Variants in SACM1L observed in about 807,000 individuals in gnomAD.
The protein encoded by SACM1L is phosphatidylinositol-3-phosphatase SAC1.
A neutral mutation model predicts 89.5 loss-of-function variants in SACM1L; 32 were observed. That is an observed-to-expected ratio of 0.36 (90% CI 0.27 to 0.48). SACM1L has a LOEUF of 0.48. Among genes scored for constraint, SACM1L ranks in the 20% least tolerant of loss-of-function variants. SACM1L has a pLI of 0.99. For missense variants in SACM1L, 543 were observed against 708.5 expected (o/e 0.77, Z 2.65); for synonymous variants, 213 against 232.8 (o/e 0.92, Z 0.77).
intron 1 of SACM1L, among the ~76,000 whole-genome samples, chr3:45,697,578 T>C (rs1248180830): frequency 1.3e-5 from 2 of 152,206 alleles, no homozygotes; most frequent in Non-Finnish European, 2.9e-5. Flanking sequence ...ATCCAACCAC[T>C]TTTTCTTTTT....
intron 11 of SACM1L, among the ~76,000 whole-genome samples, chr3:45,730,223 AT>A (rs548337718): frequency 1.0e-3 from 154 of 148,548 alleles, no homozygotes; most frequent in Non-Finnish European, 1.2e-3. Flanking sequence ...TGTACCTGTG[AT>A]TTTTTTTTTA....
chr3:45,730,401 T>C (rs923876728), intron 11 of SACM1L, among the ~76,000 whole-genome samples: 2 of 152,100 alleles, frequency 1.3e-5, no homozygotes, highest in Non-Finnish European at 2.9e-5. Flanking sequence ...AACTTTCTTA[T>C]TGTGTATGTT....
chr3:45,728,845 T>A (rs1287512352), intron 11 of SACM1L, among the ~76,000 whole-genome samples: 1 of 152,052 alleles, frequency 6.6e-6, no homozygotes, highest in East Asian at 1.9e-4. Flanking sequence ...GCTAATTTTT[T>A]TGTTTTTTAT....
Position 45,701,809 on chromosome 3 carries a change from A to G in SACM1L, c.33-1629A>G, listed in dbSNP as rs1422282629. 3.9e-5 allele frequency among the ~76,000 whole-genome samples: 6 copies of G among 152,326 alleles called. No homozygotes were observed. The East Asian group carries it at 5.8e-4, about 15-fold the overall frequency. ...TGCACAAGTTAAACATATATGTGCC[A>G]TATGATCCAGCTGTTCCACTTCTAG... On this transcript the variant is annotated intron_variant, in intron 1 of 19. Coordinates refer to ENST00000389061, the MANE Select transcript of SACM1L (RefSeq NM_014016.5).
chr3:45,708,653 ATTTAT>A (rs1698453084), intron 4 of SACM1L, among the ~76,000 whole-genome samples: 1 of 152,096 alleles, frequency 6.6e-6, no homozygotes, highest in South Asian at 2.1e-4. Context: ...AAACAGCTGT[ATTTAT>A]TTAATAGACC....
chr3:45,710,069 G>A (rs1698487953), intron 5 of SACM1L, among the ~76,000 whole-genome samples: 1 of 152,010 alleles, frequency 6.6e-6, no homozygotes, highest in South Asian at 2.1e-4. Flanking sequence ...AGTGTAATTA[G>A]GCTTATAAAA....
chr3:45,720,100 C>T (rs990190170), intron 8 of SACM1L, among the ~76,000 whole-genome samples: 1 of 152,112 alleles, frequency 6.6e-6, no homozygotes, highest in Admixed American at 6.5e-5. Flanking sequence ...AAAGAAGTTT[C>T]TCCAACCTTT....
rs1219163359 is a variant in SACM1L, at chr3:45,710,251, A to C, written c.483+604A>C. On this transcript the variant is annotated intron_variant, in intron 5 of 19. Transcript: ENST00000389061. ...AGTCTCACTCTGTCACCTAGGCTGT[A>C]GTGCAGTGGTGCGATCTCAGCTCAC... Among the ~76,000 whole-genome samples the C allele has an allele frequency of 4.1e-5, 6 of 147,668 alleles. No individual in the cohort carries two copies. In the East Asian group the frequency reaches 1.2e-3, roughly 29 times the overall value.
chr3:45,718,956 C>T (rs544363464), intron 7 of SACM1L, among the ~76,000 whole-genome samples: 81 of 152,204 alleles, frequency 5.3e-4, no homozygotes, highest in African/African-American at 1.7e-3. Context: ...TTTTCTATTT[C>T]AAGGATAAGG....
intron 11 of SACM1L, among the ~76,000 whole-genome samples, chr3:45,727,343 T>G (rs1358309108): frequency 6.6e-6 from 1 of 152,222 alleles, no homozygotes; most frequent in African/African-American, 2.4e-5. Flanking sequence ...CTATTCTTGA[T>G]TTTTAGCTTT....
chr3:45,719,459 T>C (rs1360256445), intron 7 of SACM1L, 41 bp from the exon 8 acceptor site: 5 of 1,141,362 alleles, frequency 4.4e-6, no homozygotes, highest in Non-Finnish European at 5.1e-6. Context: ...ACAATGCTTA[T>C]GATTTCTATT....
intron 2 of SACM1L, 83 bp downstream of exon 2, chr3:45,703,618 G>A: frequency 1.2e-6 from 1 of 852,126 alleles, no homozygotes; most frequent in Non-Finnish European, 1.9e-6. Context: ...ACTCAGAGGT[G>A]TGTCAGTGTG....
intron 7 of SACM1L, among the ~76,000 whole-genome samples, chr3:45,714,782 T>TATTATG (rs1698611409): frequency 6.6e-6 from 1 of 152,214 alleles, no homozygotes; most frequent in Non-Finnish European, 1.5e-5. Flanking sequence ...AAAACAGATC[T>TATTATG]ATGTCATAGA....
rs17078258 is a variant in SACM1L, at chr3:45,732,471, A to G, written c.1100+320A>G. ...TGTCGTTTCCACTAGACATTCTATC[A>G]CAAGTATTTTGTTGTTAACCTGTAC... is the stretch of plus-strand genomic sequence containing the variant. On this transcript the variant is annotated intron_variant, in intron 13 of 19. Coordinates refer to ENST00000389061, the MANE Select transcript of SACM1L (RefSeq NM_014016.5). 3.8e-3 allele frequency among the ~76,000 whole-genome samples: 573 copies of G among 152,252 alleles called. 11 individuals are homozygous for G. The East Asian group carries it at 0.057, about 15-fold the overall frequency.
In SACM1L at chr3:45,737,826, T is replaced by C. The variant is rs759342620; in HGVS notation, c.1364T>C (p.Leu455Ser). Residue 455 changes from leucine to serine, a missense_variant, in exon 16 of 20, where the codon TTG (leucine) becomes TCG (serine). This residue lies in a region of SACM1L where 370 missense variants were observed against 527.6 expected (regional missense o/e 0.70). Coordinates refer to ENST00000389061, the MANE Select transcript of SACM1L (RefSeq NM_014016.5). ...AAGCAATATGCGGGAACTGGTGCCTTGAAGACTGACTTTACCAGGCAAGCC... is the reference window on the plus strand; with the variant it reads ...AAGCAATATGCGGGAACTGGTGCCTCGAAGACTGACTTTACCAGGCAAGCC... ...CAKQYAGTGA[L>S]KTDFTRTGKR... 205 of 1,613,912 alleles carry C rather than the reference T, an allele frequency of 1.3e-4. No individual in the cohort carries two copies. The highest frequency in any genetic ancestry group is 1.5e-4 in the Non-Finnish European group (182 of 1,179,892).
chr3:45,737,931 CAGCAGCA>C, intron 16 of SACM1L, 87 bp downstream of exon 16: 2 of 1,036,404 alleles, frequency 1.9e-6, no homozygotes, highest in Non-Finnish European at 3.0e-6. Flanking sequence ...TTTCAGACAG[CAGCAGCA>C]ACAACAGCAA....
At chr3:45,701,027 T>G (rs1184722640) in intron 1 of SACM1L, among the ~76,000 whole-genome samples, 1 of 152,248 alleles carries the variant, frequency 6.6e-6, no homozygotes, top group Admixed American at 6.5e-5. Flanking sequence ...ATGAAATCCT[T>G]TCCTCAAATG....
intron 6 of SACM1L, 151 bp from the exon 7 acceptor site, chr3:45,713,895 G>A (rs1698580248): frequency 2.7e-6 from 1 of 369,972 alleles, no homozygotes; most frequent in Admixed American, 4.6e-5. Context: ...CATACTTAAT[G>A]TTACATTAGA....
At chr3:45,708,096 CA>C (rs547180925) in intron 4 of SACM1L, among the ~76,000 whole-genome samples, 29 of 150,942 alleles carry the variant, frequency 1.9e-4, no homozygotes, top group African/African-American at 3.6e-4. Flanking sequence ...AATGTTTTGA[CA>C]AAAAAAATTT....
Sources: allele counts gnomAD v4.1 joint callset (sites outside exome capture counted in the v4.1 genomes callset), GRCh38; gene constraint gnomAD v4.1.1; regional missense constraint gnomAD v4.1.1; transcripts MANE v1.5; gene names NCBI Gene and HGNC (gene_info 2026-07-23, HGNC 2026-07-21).